Variants in ZNF518A observed in about 807,000 individuals in gnomAD.
ZNF518A encodes the protein zinc finger protein 518A.
ZNF518A carries 47 observed loss-of-function variants against 102.7 expected under a neutral mutation model. That is an observed-to-expected ratio of 0.46 (90% CI 0.36 to 0.58). ZNF518A has a LOEUF of 0.58. ZNF518A is among the 20% of genes least tolerant of loss of function. The pLI is 0.00. For missense variants in ZNF518A, 1,793 were observed against 1,699.8 expected, an observed-to-expected ratio of 1.05 and a Z score of -0.96; for synonymous variants, 652 against 594.6, an observed-to-expected ratio of 1.10 and a Z score of -1.40.
chr10:96,146,014 GACTTTTA>G, intron 3 of ZNF518A, among the ~76,000 whole-genome samples: 1 of 152,140 alleles, frequency 6.6e-6, no homozygotes, highest in South Asian at 2.1e-4. Context: ...TATTCTTCTT[GACTTTTA>G]ACTTTTGACG....
chr10:96,179,207 G>A (rs1554891755), intron 1 of ZNF518A, among the ~76,000 whole-genome samples: 1 of 152,050 alleles, frequency 6.6e-6, no homozygotes, highest in East Asian at 1.9e-4. Context: ...ATGTTAAATA[G>A]GGTTTACTGC....
At chr10:96,198,119 C>T (rs2083522876) in intron 1 of ZNF518A, among the ~76,000 whole-genome samples, 1 of 151,796 alleles carries the variant, frequency 6.6e-6, no homozygotes, top group Non-Finnish European at 1.5e-5. Context: ...AAGCCTATCT[C>T]AACAAAGAAC....
rs188054273 is a variant in ZNF518A at position 96,152,643 on chromosome 10, T to C, written c.-301-2683T>C. Among the ~76,000 whole-genome samples, 164 of 152,356 alleles carry C rather than the reference T, an allele frequency of 1.1e-3. 1 individual carries two copies. The highest frequency in any genetic ancestry group is 3.8e-3 in the African/African-American group (160 of 41,580). On this transcript the variant is annotated intron_variant, in intron 3 of 5. Transcript: ENST00000316045. ...TTGTCATTGTGTGAACATCAGAGTG[T>C]ACTTACACAAACCTAGATGGTAAAC... is the stretch of plus-strand genomic sequence containing the variant.
chr10:96,176,826 G>A (rs1564802105), intron 1 of ZNF518A, among the ~76,000 whole-genome samples: 1 of 152,334 alleles, frequency 6.6e-6, no homozygotes. Flanking sequence ...GAACCCAGGA[G>A]GCAGAGGTTG....
At chr10:96,139,460 T>C (rs1231901835) in intron 3 of ZNF518A, among the ~76,000 whole-genome samples, 1 of 152,126 alleles carries the variant, frequency 6.6e-6, no homozygotes, top group Non-Finnish European at 1.5e-5. Context: ...CTCTATTTTG[T>C]CATGTGAGGA....
At chr10:96,142,107 G>A (rs2081957276) in intron 3 of ZNF518A, among the ~76,000 whole-genome samples, 1 of 151,986 alleles carries the variant, frequency 6.6e-6, no homozygotes, top group Non-Finnish European at 1.5e-5. Context: ...GCTGGCTTTG[G>A]TTACATATGT....
rs372061778 is a variant in ZNF518A, at chr10:96,157,709, A to G, written c.1387A>G (p.Ile463Val). ...KQHIVLKLVP[I>V]KQNVCSPGSQ... ...GCATATTGTATTAAAATTGGTGCCT[A>G]TCAAACAAAATGTATGTTCACCAGG... The change falls in exon 6 of 6, where the codon ATC becomes GTC. Residue 463 changes from isoleucine to valine, a missense_variant. Ile to Val is a conservative substitution (Grantham distance 29). This residue lies in a region of ZNF518A where 1,741 missense variants were observed against 1,622.6 expected (regional missense o/e 1.07). Coordinates refer to ENST00000316045, the MANE Select transcript of ZNF518A (RefSeq NM_001330736.2). 101 of 1,613,948 alleles carry G rather than the reference A, an allele frequency of 6.3e-5. 2 individuals are homozygous for G. In the South Asian group the frequency reaches 9.8e-4, roughly 16 times the overall value.
At chr10:96,196,422 T>G (rs891505640) in intron 1 of ZNF518A, among the ~76,000 whole-genome samples, 2 of 152,214 alleles carry the variant, frequency 1.3e-5, no homozygotes. Flanking sequence ...CATGTGATTT[T>G]TTTTTCTTGC....
Position 96,191,892 on chromosome 10 carries a change from T to G in ZNF518A, n.36-11682T>G, listed in dbSNP as rs2083335117. 25 of 1,564,186 alleles carry G rather than the reference T, an allele frequency of 1.6e-5. 1 individual carries two copies. The South Asian group carries it at 2.2e-4, about 14-fold the overall frequency. On this transcript the variant is annotated intron_variant and non_coding_transcript_variant, in intron 1 of 2. Coordinates refer to the ZNF518A transcript ENST00000442635. Reference sequence around the variant, plus strand: ...ACTGGATGATTCATAATCCAAAATATGAAGTTTTGGGACTTTTTCTCAAAA... The same window carrying G: ...ACTGGATGATTCATAATCCAAAATAGGAAGTTTTGGGACTTTTTCTCAAAA...
Position 96,159,825 on chromosome 10 carries a change from C to T in ZNF518A, c.3503C>T (p.Ser1168Leu). 6.2e-7 allele frequency: 1 copy of T among 1,613,570 alleles called. No individual in the cohort carries two copies. The highest frequency in any genetic ancestry group is 2.2e-5 in the East Asian group (1 of 44,864). Reference protein sequence around the residue: ...NNLSVSNSASSLQKDNVPSNQ... With the variant: ...NNLSVSNSASLLQKDNVPSNQ... ...CTGTCAGTAAGCAACTCTGCATCCT[C>T]ATTGCAAAAAGACAACGTACCATCT... Residue 1168 changes from serine to leucine, a missense_variant, in exon 6 of 6, where the codon TCA becomes TTA. Physicochemically the swap from Ser to Leu is moderately radical, Grantham distance 145 (BLOSUM62 -2). This residue lies in a region of ZNF518A where 1,741 missense variants were observed against 1,622.6 expected (regional missense o/e 1.07). Coordinates refer to ENST00000316045, the MANE Select transcript of ZNF518A (RefSeq NM_001330736.2).
chr10:96,140,437 A>G (rs1352524528), intron 3 of ZNF518A, among the ~76,000 whole-genome samples: 3 of 152,208 alleles, frequency 2.0e-5, no homozygotes, highest in Non-Finnish European at 4.4e-5. Flanking sequence ...ATAGCAGTAC[A>G]TCTTTTGATT....
rs1240644921 is a variant in ZNF518A, at chr10:96,203,984, A to G, written n.155A>G. 3.0e-6 allele frequency: 4 copies of G among 1,328,674 alleles called. No individual in the cohort carries two copies. In the African/African-American group the frequency reaches 5.8e-5, roughly 19 times the overall value. The allele number at this position is 1,328,674 out of a possible 1,614,324, so 82.3% of individuals were successfully genotyped here. ...CTGGAAGCGACAGTGCTGTGTTAGA[A>G]CCCAGGCCTATCAGACTCTAGGATC... On this transcript the variant is annotated non_coding_transcript_exon_variant, in exon 3 of 3. Coordinates refer to the ZNF518A transcript ENST00000442635.
At chr10:96,144,075 TC>T (rs1168575707) in intron 3 of ZNF518A, among the ~76,000 whole-genome samples, 1 of 152,138 alleles carries the variant, frequency 6.6e-6, no homozygotes, top group Non-Finnish European at 1.5e-5. Flanking sequence ...AGCCTTGACC[TC>T]CCAAGCTCAA....
chr10:96,158,898 T>C lies in ZNF518A; in HGVS notation c.2576T>C (p.Phe859Ser). ...CCTACAAATGATTTGAATTTGAAAT[T>C]TGGAAAAGAAAAACAAGTGTCATCA... is the stretch of plus-strand genomic sequence containing the variant. ...NVPTNDLNLK[F>S]GKEKQVSSIP... is the part of the protein sequence containing the mutation. The change falls in exon 6 of 6, where the codon TTT becomes TCT. Residue 859 changes from phenylalanine to serine, a missense_variant. Coordinates refer to ENST00000316045, the MANE Select transcript of ZNF518A (RefSeq NM_001330736.2). 6.2e-7 allele frequency: 1 copy of C among 1,613,642 alleles called. No individual in the cohort carries two copies. Among genetic ancestry groups the C allele is most frequent in the Admixed American group, 1.7e-5 (1 of 59,960 alleles).
In ZNF518A at chr10:96,162,552, C is replaced by T. The variant is rs1176098351; in HGVS notation, c.*1778C>T. ...TGTACTGTTTTGTGCAGTTTGTCTA[C>T]TTTCTTAGTGAAGTATTTTTTGTAT... On this transcript the variant is annotated 3_prime_UTR_variant, in exon 6 of 6. Transcript: ENST00000316045. 6.0e-6 allele frequency: 1 copy of T among 166,828 alleles called. No homozygotes were observed. The highest frequency in any genetic ancestry group is 2.4e-5 in the African/African-American group (1 of 41,416). The allele number at this position is 166,828 out of a possible 1,614,324, so 10.3% of individuals were successfully genotyped here.
At chr10:96,175,540 G>T (rs1206351867) in intron 1 of ZNF518A, among the ~76,000 whole-genome samples, 1 of 152,094 alleles carries the variant, frequency 6.6e-6, no homozygotes, top group Admixed American at 6.5e-5. Flanking sequence ...AGAGGAAGGA[G>T]GATTGAGTTT....
chr10:96,134,530 G>A (rs997824629), intron 3 of ZNF518A, among the ~76,000 whole-genome samples: 8 of 152,122 alleles, frequency 5.3e-5, no homozygotes, highest in Non-Finnish European at 4.4e-5. Context: ...CACTGCTCCC[G>A]GCCTACTTCC....
At chr10:96,149,852 C>T (rs1310721650) in intron 3 of ZNF518A, among the ~76,000 whole-genome samples, 1 of 151,930 alleles carries the variant, frequency 6.6e-6, no homozygotes, top group East Asian at 1.9e-4. Flanking sequence ...ATATATTTTC[C>T]TCAAAGAGTA....
At position 96,158,778 on chromosome 10, in the gene ZNF518A, AAC is replaced by A. The variant is rs782395463; in HGVS notation, c.2459_2460del (p.His820ArgfsTer8). 6 of 1,613,478 alleles carry A rather than the reference AAC, an allele frequency of 3.7e-6. No individual in the cohort carries two copies. The highest frequency in any genetic ancestry group is 4.2e-6 in the Non-Finnish European group (5 of 1,179,660). On this transcript the variant is annotated frameshift_variant, in exon 6 of 6. Transcript: ENST00000316045. LOFTEE classifies it high-confidence loss of function. The stretch of plus-strand genomic sequence containing the variant: ...CTTCATTGTGACCAGTCATTTCAAA[AAC>A]ACGAGAGAGAAGGCAAAATTGTTGA...
Sources: allele counts gnomAD v4.1 joint callset (sites outside exome capture counted in the v4.1 genomes callset), GRCh38; gene constraint gnomAD v4.1.1; regional missense constraint gnomAD v4.1.1; transcripts MANE v1.5; gene names NCBI Gene and HGNC (gene_info 2026-07-23, HGNC 2026-07-21).